The following TTN variants were observed in gnomAD, a reference collection of about 807,000 sequenced individuals.
TTN encodes the protein titin.
In TTN, 1,525 loss-of-function variants were observed where a neutral mutation model predicts 3,223.0. The observed-to-expected ratio is 0.47, with a 90% CI of 0.45 to 0.49. The LOEUF (loss-of-function observed/expected upper bound fraction) is 0.49. Among genes scored for constraint, TTN ranks in the 20% least tolerant of loss-of-function variants. TTN has a pLI of 0.00. For synonymous variants in TTN, 14,094 were observed against 15,161.0 expected, an observed-to-expected ratio of 0.93 and a Z score of 5.17; for missense variants, 40,786 against 43,424.0, an observed-to-expected ratio of 0.94 and a Z score of 5.40.
At chr2:178,645,866 G>A (rs2061850121) in intron 217 of TTN, 54 bp downstream of exon 217, 2 of 1,133,530 alleles carry the variant, frequency 1.8e-6, no homozygotes, top group East Asian at 6.0e-5. Context: ...ATTTCAGATG[G>A]CTGGATAGAA....
chr2:178,608,326 G>A lies in TTN; in HGVS notation c.52557C>T (p.Val17519=), dbSNP rs397517610. Residue 17519 remains valine, a synonymous_variant, in exon 275 of 363, where the codon GTC becomes GTT. Coordinates refer to ENST00000589042, the MANE Select transcript of TTN (RefSeq NM_001267550.2). ...REVNSTHWSR[V]NKSLLNALKA... ...TCAAGGCATTCAGAAGGCTTTTGTT[G>A]ACACGAGACCAATGTGTACTGTTAA... 1.2e-5 allele frequency: 19 copies of A among 1,612,238 alleles called. No individual in the cohort carries two copies. In the South Asian group the frequency reaches 1.3e-4, roughly 11 times the overall value.
Position 178,774,232 on chromosome 2 carries a change from C to T in TTN, c.7032G>A (p.Lys2344=). The change falls in exon 30 of 363, where the codon AAG becomes AAA. Residue 2344 remains lysine, a synonymous_variant. Transcript: ENST00000589042. ...GTTTCATCTTTAATTTACAGGTTGT[C>T]TTTTTCCCGTCGATGACAAAGCTGT... The part of the protein sequence containing the change: ...GEYSFVIDGK[K]TTCKLKMKPR... 3 of 1,614,060 alleles carry T rather than the reference C, an allele frequency of 1.9e-6. No homozygotes were observed. The South Asian group carries it at 3.3e-5, about 18-fold the overall frequency.
At position 178,540,128 on chromosome 2, in the gene TTN, C is replaced by T. The variant is rs1340922711; in HGVS notation, c.98038G>A (p.Ala32680Thr). The T allele has an allele frequency of 1.2e-6, 2 of 1,612,268 alleles. No homozygotes were observed. The highest frequency in any genetic ancestry group is 1.1e-5 in the South Asian group (1 of 91,006). ...TCAGCAGGCTCACCAGGTCCACCAG[C>T]ATTACAAGCTAGGACGCGGAACCTG... ...EYRFRVLACNAGGPGEPAEVP... is the reference protein window; with the variant it reads ...EYRFRVLACNTGGPGEPAEVP... The change falls in exon 351 of 363, where the codon GCT (alanine) becomes ACT (threonine). Residue 32680 changes from alanine to threonine, a missense_variant. Ala to Thr is a moderately conservative substitution (Grantham distance 58, BLOSUM62 0). Coordinates refer to ENST00000589042, the MANE Select transcript of TTN (RefSeq NM_001267550.2).
In TTN at chr2:178,750,078, T is replaced by C. The variant is rs575282735; in HGVS notation, c.11311+3046A>G. 32 of 1,613,222 alleles carry C rather than the reference T, an allele frequency of 2.0e-5. No individual in the cohort carries two copies. In the East Asian group the frequency reaches 6.2e-4, roughly 31 times the overall value. ...TGTTCTGGGATAGGAGTAGCTGCTG[T>C]TACCTGAATTTCTACAGGAAAGGAA... On this transcript the variant is annotated intron_variant, in intron 47 of 362. Coordinates refer to ENST00000589042, the MANE Select transcript of TTN (RefSeq NM_001267550.2).
rs761751013 is a variant in TTN, at chr2:178,766,452, C to G, written c.9632G>C (p.Arg3211Thr). The change falls in exon 41 of 363, where the codon AGA (arginine) becomes ACA (threonine). Residue 3211 changes from arginine to threonine, a missense_variant. Arg to Thr is a moderately conservative substitution (Grantham distance 71, BLOSUM62 -1). Transcript: ENST00000589042. ...GGTGTATTCTCCTGCATCGCTCTGT[C>G]TGGTCTCAGAGATAAACATTCGGTG... ...RIHRMFISET[R>T]QSDAGEYTFV... 4 of 1,614,156 alleles carry G rather than the reference C, an allele frequency of 2.5e-6. No individual in the cohort carries two copies. Among genetic ancestry groups the G allele is most frequent in the South Asian group, 1.1e-5 (1 of 91,088 alleles).
Position 178,711,974 on chromosome 2 carries a change from C to T in TTN, c.27856G>A (p.Val9286Ile), listed in dbSNP as rs777547707. 1 of 1,605,186 alleles carries T rather than the reference C, an allele frequency of 6.2e-7. No homozygotes were observed. Among genetic ancestry groups the T allele is most frequent in the Non-Finnish European group, 8.5e-7 (1 of 1,174,516 alleles). The part of the protein sequence containing the change: ...ICKAENSVGE[V>I]SASTFLTVQE... ...ACGGTAAGGAAAGTTGATGCAGAAA[C>T]TTCTCCCACGCTGTTTTCAGCTTTG... The change falls in exon 96 of 363, where the codon GTT becomes ATT. Residue 9286 changes from valine (V) to isoleucine (I), a missense_variant. By Grantham distance (29) the Val-to-Ile change is conservative. Coordinates refer to ENST00000589042, the MANE Select transcript of TTN (RefSeq NM_001267550.2).
At chr2:178,679,806 C>A in intron 140 of TTN, 88 bp downstream of exon 140, 1 of 1,556,816 alleles carries the variant, frequency 6.4e-7, no homozygotes, top group East Asian at 2.2e-5. Context: ...ATCATTGGTG[C>A]TGCCAATAAC....
chr2:178,625,495 G>A, intron 240 of TTN, 99 bp from the exon 241 acceptor site: 2 of 1,344,996 alleles, frequency 1.5e-6, no homozygotes, highest in Non-Finnish European at 1.9e-6. Context: ...AGCTTTCCAA[G>A]TTGTTTTATA....
In TTN at chr2:178,645,965, CAGGTGGAGG is replaced by C; in HGVS notation, c.40354_40362del (p.Pro13452_Pro13454del). On this transcript the variant is annotated inframe_deletion, in exon 217 of 363. Transcript: ENST00000589042. ...TCCTTCACATCTTCCTTAGGTGGAG[CAGGTGGAGG>C]AGGTGGGGGTCTTGGTTTGAGTTTT... The C allele has an allele frequency of 1.3e-6, 2 of 1,586,978 alleles. No homozygotes were observed.
At chr2:178,647,314 T>C (rs2062169934) in intron 214 of TTN, 67 bp downstream of exon 214, 14 of 1,502,906 alleles carry the variant, frequency 9.3e-6, no homozygotes, top group Non-Finnish European at 1.3e-5. Context: ...GTAAGATTCA[T>C]CTACAATCAA....
rs72650045 is a variant in TTN, at chr2:178,678,725, G to A, written c.33826+22C>T. ...TATGCAAATGTGAAATAAAAATATT[G>A]CAACATTGCAAGTTCATGTACCTTT... On this transcript the variant is annotated intron_variant, in intron 143 of 362. Transcript: ENST00000589042. 1,183 of 1,593,930 alleles carry A rather than the reference G, an allele frequency of 7.4e-4. 2 individuals are homozygous for A. Among genetic ancestry groups the A allele is most frequent in the Non-Finnish European group, 9.4e-4 (1,103 of 1,170,842 alleles).
Position 178,774,266 on chromosome 2 carries a change from T to C in TTN, c.6998A>G (p.Gln2333Arg). The C allele has an allele frequency of 6.2e-7, 1 of 1,614,154 alleles. No homozygotes were observed. Among genetic ancestry groups the C allele is most frequent in the South Asian group, 1.1e-5 (1 of 91,082 alleles). The change falls in exon 30 of 363, where the codon CAG becomes CGG. Residue 2333 changes from glutamine (Q) to arginine (R), a missense_variant. Gln to Arg is a conservative substitution (Grantham distance 43). Coordinates refer to ENST00000589042, the MANE Select transcript of TTN (RefSeq NM_001267550.2). ...GTCGATGACAAAGCTGTATTCTCCC[T>C]GGTCCTCCTTGGTTACATCCTTGAC... ...LTVKDVTKED[Q>R]GEYSFVIDGK...
rs200263009 is a variant in TTN, at chr2:178,557,858, C to T, written c.87496G>A (p.Gly29166Ser). Reference sequence around the variant, plus strand: ...ATGTAGTTGGTAACTTGACTTCCACCGTCATACTTAGGTGGCTCCCATTTG... The same window carrying T: ...ATGTAGTTGGTAACTTGACTTCCACTGTCATACTTAGGTGGCTCCCATTTG... Reference protein sequence around the residue: ...TLKWEPPKYDGGSQVTNYILL... With the variant: ...TLKWEPPKYDSGSQVTNYILL... Residue 29166 changes from glycine to serine, a missense_variant, in exon 328 of 363, where the codon GGT becomes AGT. By Grantham distance (56) the Gly-to-Ser change is moderately conservative. Coordinates refer to ENST00000589042, the MANE Select transcript of TTN (RefSeq NM_001267550.2). The T allele has an allele frequency of 1.4e-5, 22 of 1,613,764 alleles. No individual in the cohort carries two copies. The highest frequency in any genetic ancestry group is 4.0e-5 in the African/African-American group (3 of 74,900).
chr2:178,541,935 C>T (rs1432846872), intron 349 of TTN: 1 of 260,354 alleles, frequency 3.8e-6, no homozygotes, highest in Non-Finnish European at 7.2e-6. Flanking sequence ...TTTTTTCTCA[C>T]TATAACATTG....
At chr2:178,685,486 T>C (rs1577395739) in intron 128 of TTN, 32 bp downstream of exon 128, 2 of 1,589,456 alleles carry the variant, frequency 1.3e-6, no homozygotes, top group Non-Finnish European at 1.7e-6. Flanking sequence ...CAAGCTAACA[T>C]AGGGATAAAA....
At position 178,544,408 on chromosome 2, in the gene TTN, T is replaced by C. The variant is rs750955565; in HGVS notation, c.95821A>G (p.Ile31941Val). 2 of 1,613,756 alleles carry C rather than the reference T, an allele frequency of 1.2e-6. No homozygotes were observed. Among genetic ancestry groups the C allele is most frequent in the Non-Finnish European group, 1.7e-6 (2 of 1,179,702 alleles). Reference sequence around the variant, plus strand: ...TGCATTTCCAGAACATATCCTACAATGTCAGTACCACCATCGTACATGGGT... The same window carrying C: ...TGCATTTCCAGAACATATCCTACAACGTCAGTACCACCATCGTACATGGGT... ...TKPMYDGGTD[I>V]VGYVLEMQEK... Residue 31941 changes from isoleucine to valine, a missense_variant, in exon 345 of 363, where the codon ATT (isoleucine) becomes GTT (valine). Ile to Val is a conservative substitution (Grantham distance 29). Coordinates refer to ENST00000589042, the MANE Select transcript of TTN (RefSeq NM_001267550.2).
chr2:178,721,990 C>A lies in TTN; in HGVS notation c.22673G>T (p.Gly7558Val), dbSNP rs886055294. The change falls in exon 78 of 363, where the codon GGA (glycine) becomes GTA (valine). Residue 7558 changes from glycine (G) to valine (V), a missense_variant. By Grantham distance (109) the Gly-to-Val change is moderately radical. Transcript: ENST00000589042. ...WSKDNKEIRP[G>V]GNYTITCVGN... The stretch of plus-strand genomic sequence containing the variant: ...CACACATGTGATTGTATAGTTTCCT[C>A]CAGGACGGATCTCCTTGTTATCTTT... 4 of 1,613,536 alleles carry A rather than the reference C, an allele frequency of 2.5e-6. No individual in the cohort carries two copies. The highest frequency in any genetic ancestry group is 3.4e-6 in the Non-Finnish European group (4 of 1,179,590).
chr2:178,550,711 G>A (rs567127898), intron 336 of TTN: 11 of 491,396 alleles, frequency 2.2e-5, no homozygotes, highest in East Asian at 3.9e-5. Flanking sequence ...GTTAAGTGGC[G>A]AAAATTACAA....
In TTN at chr2:178,612,059, C is replaced by G; in HGVS notation, c.50352G>C (p.Gln16784His). ...PPKNDGGRPI[Q>H]RYVIEKKERL... ...TTATGAATTAATTCAAATTCTACCT[C>G]TGTATTGGTCTTCCACCATCATTTT... The change falls in exon 267 of 363, where the codon CAG becomes CAC. Residue 16784 changes from glutamine to histidine, a missense_variant and splice_region_variant. Transcript: ENST00000589042. The G allele has an allele frequency of 6.2e-7, 1 of 1,608,880 alleles. No individual in the cohort carries two copies. Among genetic ancestry groups the G allele is most frequent in the Non-Finnish European group, 8.5e-7 (1 of 1,177,906 alleles).
Sources: gnomAD v4.1 joint callset for allele counts on GRCh38, gnomAD v4.1.1 for gene constraint, MANE v1.5 for transcripts, NCBI Gene and HGNC (gene_info 2026-07-23, HGNC 2026-07-21) for gene names.